SPATA6: variants seen among roughly 807,000 people sequenced by gnomAD.
SPATA6 encodes spermatogenesis associated 6.
SPATA6 carries 56 observed loss-of-function variants against 65.3 expected under a neutral mutation model. The ratio of observed to expected loss-of-function variants is 0.86; its 90% CI spans 0.69 to 1.07. The LOEUF is 1.07. Among genes scored for constraint, SPATA6 ranks in the 50% least tolerant of loss-of-function variants. The pLI is 0.00. For missense variants in SPATA6, 590 were observed against 594.8 expected (o/e 0.99, Z 0.08); for synonymous variants, 199 against 213.2 (o/e 0.93, Z 0.58).
At chr1:48,355,375 T>C (rs1646629217) in intron 11 of SPATA6, 1 of 211,774 alleles carries the variant, frequency 4.7e-6, no homozygotes, top group African/African-American at 2.3e-5. Flanking sequence ...TTCTCATATT[T>C]TGAAGGCTGT....
intron 10 of SPATA6, among the ~76,000 whole-genome samples, chr1:48,356,510 CTT>C (rs910154922): frequency 3.3e-5 from 4 of 122,734 alleles, no homozygotes; most frequent in Non-Finnish European, 3.5e-5. Flanking sequence ...TTTGTCCTTT[CTT>C]TTTTTTTTTT....
intron 3 of SPATA6, among the ~76,000 whole-genome samples, chr1:48,426,625 T>G (rs1653863124): frequency 1.3e-5 from 2 of 151,878 alleles, no homozygotes; most frequent in Non-Finnish European, 2.9e-5. Context: ...ATCTTCCTTC[T>G]AAGAGATAAG....
At chr1:48,300,032 C>A (rs12564788) in intron 12 of SPATA6, among the ~76,000 whole-genome samples, 1 of 151,548 alleles carries the variant, frequency 6.6e-6, no homozygotes, top group Non-Finnish European at 1.5e-5. Context: ...AGAGAGAGAG[C>A]GAGCGCATGC....
the SPATA6 span, among the ~76,000 whole-genome samples, chr1:48,269,994 ACT>A: frequency 1.3e-5 from 2 of 152,074 alleles, no homozygotes. Flanking sequence ...GTTCAAAGAC[ACT>A]GTCTTTCATT....
At chr1:48,373,509 C>G (rs761954822) in intron 9 of SPATA6, among the ~76,000 whole-genome samples, 4 of 152,228 alleles carry the variant, frequency 2.6e-5, no homozygotes, top group Non-Finnish European at 4.4e-5. Context: ...GCCTTCCAAA[C>G]TGTTCCAACC....
chr1:48,351,431 CATA>C (rs1270492982), intron 11 of SPATA6, among the ~76,000 whole-genome samples: 6 of 152,010 alleles, frequency 3.9e-5, no homozygotes, highest in Admixed American at 2.6e-4. Context: ...CACCAGTGAG[CATA>C]ATGTTAGCTA....
At chr1:48,341,929 C>G (rs146908508) in intron 11 of SPATA6, among the ~76,000 whole-genome samples, 6 of 152,238 alleles carry the variant, frequency 3.9e-5, no homozygotes, top group Non-Finnish European at 4.4e-5. Context: ...TGGAACATAT[C>G]CCCTAAAGAT....
intron 3 of SPATA6, among the ~76,000 whole-genome samples, chr1:48,427,317 G>C (rs905875879): frequency 2.0e-5 from 3 of 150,948 alleles, no homozygotes; most frequent in South Asian, 2.1e-4. Context: ...ACAAGAAAAT[G>C]AGAATATTTT....
At chr1:48,341,254 C>T (rs1466672117) in intron 11 of SPATA6, among the ~76,000 whole-genome samples, 1 of 152,122 alleles carries the variant, frequency 6.6e-6, no homozygotes, top group Non-Finnish European at 1.5e-5. Flanking sequence ...AGTAGTACCC[C>T]TAATCATCAG....
At chr1:48,341,931 C>T (rs1646226352) in intron 11 of SPATA6, among the ~76,000 whole-genome samples, 13 of 152,030 alleles carry the variant, frequency 8.6e-5, no homozygotes, top group Admixed American at 8.5e-4. Context: ...GAACATATCC[C>T]CTAAAGATAA....
intron 3 of SPATA6, among the ~76,000 whole-genome samples, chr1:48,428,837 A>ATG (rs1272125238): frequency 2.5e-4 from 36 of 142,316 alleles, no homozygotes; most frequent in Admixed American, 1.1e-3. Context: ...GTGTATATAT[A>ATG]TGTGTATATA....
At chr1:48,353,960 G>A (rs1270056128) in intron 11 of SPATA6, among the ~76,000 whole-genome samples, 1 of 151,612 alleles carries the variant, frequency 6.6e-6, no homozygotes, top group South Asian at 2.1e-4. Flanking sequence ...GGCACAGAGT[G>A]GAAAAAAAAT....
the SPATA6 span, among the ~76,000 whole-genome samples, chr1:48,272,664 G>A: frequency 1.4e-4 from 21 of 152,144 alleles, no homozygotes; most frequent in East Asian, 2.7e-3. Flanking sequence ...ATACCTCTTT[G>A]CAATTCTTAT....
intron 11 of SPATA6, among the ~76,000 whole-genome samples, chr1:48,345,769 C>T (rs1646347055): frequency 6.6e-6 from 1 of 152,024 alleles, no homozygotes; most frequent in Non-Finnish European, 1.5e-5. Flanking sequence ...TAGATACAAA[C>T]ACCCTTCTAA....
chr1:48,355,522 T>C (rs1409847093), intron 11 of SPATA6, 148 bp downstream of exon 11: 2 of 569,040 alleles, frequency 3.5e-6, no homozygotes, highest in Non-Finnish European at 6.3e-6. Context: ...ATATGTTGCC[T>C]TGGGCAAAAC....
At chr1:48,445,055 G>A (rs1655883449) in intron 3 of SPATA6, among the ~76,000 whole-genome samples, 1 of 152,170 alleles carries the variant, frequency 6.6e-6, no homozygotes, top group African/African-American at 2.4e-5. Context: ...TTAGACAATA[G>A]GAAATGTATA....
rs1644817467 is a variant in SPATA6 at position 48,296,649 on chromosome 1, A to T, written c.*2064T>A. 6.6e-6 allele frequency: 1 copy of T among 152,184 alleles called. No homozygotes were observed. The highest frequency in any genetic ancestry group is 1.5e-5 in the Non-Finnish European group (1 of 68,030). The allele number at this position is 152,184 out of a possible 1,614,324, so 9.4% of individuals were successfully genotyped here. On this transcript the variant is annotated 3_prime_UTR_variant, in exon 13 of 13. Transcript: ENST00000371847. The stretch of plus-strand genomic sequence containing the variant: ...TTCCATGGAAAAACACTGAGGATAT[A>T]ATTTTTTTAAAAGAGCATTATTCAA...
intron 11 of SPATA6, among the ~76,000 whole-genome samples, chr1:48,307,537 A>T (rs1275472551): frequency 1.3e-5 from 2 of 151,046 alleles, no homozygotes; most frequent in Non-Finnish European, 3.0e-5. Context: ...ATCTTATTAT[A>T]AGCTATTAAC....
intron 3 of SPATA6, among the ~76,000 whole-genome samples, chr1:48,439,414 C>T (rs1230127949): frequency 1.3e-5 from 2 of 151,912 alleles, no homozygotes; most frequent in East Asian, 1.9e-4. Flanking sequence ...TCTGCTGCTG[C>T]GTCAGTGAGC....
Sources: gnomAD v4.1 joint callset for allele counts (sites outside exome capture counted in the v4.1 genomes callset) on GRCh38, gnomAD v4.1.1 for gene constraint, MANE v1.5 for transcripts, NCBI Gene and HGNC (gene_info 2026-07-23, HGNC 2026-07-21) for gene names.